The following SLC2A9 variants were observed in gnomAD, a reference collection of about 807,000 sequenced individuals.
SLC2A9 encodes the protein solute carrier family 2, facilitated glucose transporter member 9.
A neutral mutation model predicts 50.6 loss-of-function variants in SLC2A9; 39 were observed. The ratio of observed to expected loss-of-function variants is 0.77; its 90% CI spans 0.60 to 1.01. The LOEUF (loss-of-function observed/expected upper bound fraction) is 1.01. Ranked by LOEUF, SLC2A9 falls within the 50% of genes least tolerant of loss-of-function variation. The pLI is 0.00. For synonymous variants in SLC2A9, 324 were observed against 276.9 expected, an observed-to-expected ratio of 1.17 and a Z score of -1.69; for missense variants, 686 against 677.6, an observed-to-expected ratio of 1.01 and a Z score of -0.14.
At chr4:9,795,173 G>T (rs959613336), downstream of SLC2A9, among the ~76,000 whole-genome samples, 3 of 151,946 alleles carry the variant, frequency 2.0e-5, no homozygotes, top group Admixed American at 6.6e-5. Context: ...CCCACACTCA[G>T]CTAGCATTTT....
At chr4:9,994,202 T>G (rs1758207819) in intron 3 of SLC2A9, among the ~76,000 whole-genome samples, 1 of 152,242 alleles carries the variant, frequency 6.6e-6, no homozygotes, top group Admixed American at 6.5e-5. Flanking sequence ...CTTGGTCCAA[T>G]TGACCACTGG....
At chr4:9,795,824 C>T (rs937195695), downstream of SLC2A9, among the ~76,000 whole-genome samples, 3 of 152,158 alleles carry the variant, frequency 2.0e-5, no homozygotes. Flanking sequence ...CACTCTCTGT[C>T]CACAAAAGAC....
chr4:9,841,893 C>T (rs1033830409), intron 10 of SLC2A9, among the ~76,000 whole-genome samples: 1 of 152,174 alleles, frequency 6.6e-6, no homozygotes, highest in Non-Finnish European at 1.5e-5. Context: ...CAATTGCTGA[C>T]TCACCTGCTC....
chr4:9,900,174 G>C (rs1739336159), intron 8 of SLC2A9, among the ~76,000 whole-genome samples: 1 of 152,166 alleles, frequency 6.6e-6, no homozygotes, highest in Non-Finnish European at 1.5e-5. Flanking sequence ...GTGGGCAGTG[G>C]GAACAGCCGC....
chr4:9,777,575 C>T (rs916578360), downstream of SLC2A9, among the ~76,000 whole-genome samples: 16 of 152,090 alleles, frequency 1.1e-4, no homozygotes, highest in African/African-American at 3.4e-4. Flanking sequence ...GTCTGTGCAC[C>T]TTTCTTGGTT....
chr4:9,900,942 G>C (rs189637861), intron 8 of SLC2A9, among the ~76,000 whole-genome samples: 4 of 152,310 alleles, frequency 2.6e-5, no homozygotes, highest in Admixed American at 6.5e-5. Context: ...TGGGGATTGT[G>C]GGAACTATAA....
At chr4:10,022,731 T>C (rs1763589622), upstream of SLC2A9, among the ~76,000 whole-genome samples, 1 of 151,902 alleles carries the variant, frequency 6.6e-6, no homozygotes, top group Non-Finnish European at 1.5e-5. Context: ...AAATAAAAGG[T>C]GTGGAGTACG....
chr4:9,818,000 C>T (rs1208954302), intron 3 of SLC2A9, among the ~76,000 whole-genome samples: 1 of 152,176 alleles, frequency 6.6e-6, no homozygotes, highest in Non-Finnish European at 1.5e-5. Flanking sequence ...TGACTGCCTT[C>T]CAGTGCTACA....
intron 3 of SLC2A9, chr4:9,783,174 C>T (rs775864675): frequency 1.5e-5 from 25 of 1,614,218 alleles, no homozygotes; most frequent in Non-Finnish European, 2.1e-5. Flanking sequence ...TGCTCCCGCA[C>T]GCCGGTGGAG....
intron 8 of SLC2A9, among the ~76,000 whole-genome samples, chr4:9,905,420 T>C (rs1430898075): frequency 1.3e-5 from 2 of 152,144 alleles, no homozygotes. Context: ...AATGGCGGGG[T>C]ACCAACTGGC....
intron 10 of SLC2A9, chr4:9,880,573 A>G (rs932100628): frequency 2.0e-6 from 2 of 985,278 alleles, no homozygotes; most frequent in Non-Finnish European, 2.4e-6. Context: ...GGCTAAGCTT[A>G]GTGATTTTTG....
chr4:9,918,654 A>G (rs1054392651), intron 7 of SLC2A9, among the ~76,000 whole-genome samples: 1 of 152,180 alleles, frequency 6.6e-6, no homozygotes, highest in African/African-American at 2.4e-5. Flanking sequence ...TCTGAGTGCT[A>G]CATGCATGTG....
intron 2 of SLC2A9, among the ~76,000 whole-genome samples, chr4:10,016,999 C>T (rs978149369): frequency 6.6e-6 from 1 of 152,160 alleles, no homozygotes; most frequent in East Asian, 1.9e-4. Context: ...TAATATGCCA[C>T]CATGTGGGCA....
At chr4:9,871,758 A>G (rs897332297) in intron 10 of SLC2A9, among the ~76,000 whole-genome samples, 1 of 152,216 alleles carries the variant, frequency 6.6e-6, no homozygotes. Flanking sequence ...GAGCACAAAC[A>G]CTGCCAACCC....
intron 1 of SLC2A9, among the ~76,000 whole-genome samples, chr4:10,028,654 G>C (rs998091255): frequency 6.6e-6 from 1 of 152,148 alleles, no homozygotes; most frequent in African/African-American, 2.4e-5. Flanking sequence ...TCTAGGAAGG[G>C]GGGCGGTTAC....
upstream of SLC2A9, chr4:10,026,045 C>T: frequency 6.8e-7 from 1 of 1,480,332 alleles, no homozygotes. Context: ...TAGACAGCTG[C>T]TTTCTCAGAT....
At chr4:9,781,042 G>A (rs1718289675) in intron 3 of SLC2A9, among the ~76,000 whole-genome samples, 1 of 152,124 alleles carries the variant, frequency 6.6e-6, no homozygotes, top group Non-Finnish European at 1.5e-5. Context: ...AATCTCCCAA[G>A]AGGTCAGCTG....
chr4:10,002,592 C>T (rs946760357), intron 2 of SLC2A9, among the ~76,000 whole-genome samples: 14 of 152,192 alleles, frequency 9.2e-5, no homozygotes, highest in African/African-American at 3.1e-4. Flanking sequence ...GTGGCTCATG[C>T]CTGTAATTCC....
At chr4:9,811,324 C>T (rs1439568659) in intron 3 of SLC2A9, among the ~76,000 whole-genome samples, 4 of 152,218 alleles carry the variant, frequency 2.6e-5, no homozygotes, top group African/African-American at 9.6e-5. Context: ...TCCTTAAATT[C>T]GGGCTGGTCC....
Sources: allele counts gnomAD v4.1 joint callset (sites outside exome capture counted in the v4.1 genomes callset), GRCh38; gene constraint gnomAD v4.1.1; transcripts MANE v1.5; gene names NCBI Gene and HGNC (gene_info 2026-07-23, HGNC 2026-07-21).